FAT3: variants seen among roughly 807,000 people sequenced by gnomAD.
FAT3 encodes the protein protocadherin Fat 3.
In FAT3, 95 loss-of-function variants were observed where a neutral mutation model predicts 310.2. That is an observed-to-expected ratio of 0.31 (90% CI 0.26 to 0.36). The LOEUF (loss-of-function observed/expected upper bound fraction) is 0.36, where lower values mean the gene tolerates loss of function less well. Among genes scored for constraint, FAT3 ranks in the 10% least tolerant of loss-of-function variants. FAT3 has a pLI of 1.00. For missense variants in FAT3, 5,408 were observed against 5,715.6 expected (o/e 0.95, Z 1.74); for synonymous variants, 2,314 against 2,192.9 (o/e 1.06, Z -1.54).
chr11:92,857,109 G>GA, intron 19 of FAT3, 105 bp from the exon 20 acceptor site: 1 of 1,548,818 alleles, frequency 6.5e-7, no homozygotes, highest in Non-Finnish European at 8.9e-7. Context: ...ACATATCCCA[G>GA]CTCTTGAGCC....
At chr11:92,344,408 A>C (rs901445309) in intron 1 of FAT3, among the ~76,000 whole-genome samples, 1 of 152,056 alleles carries the variant, frequency 6.6e-6, no homozygotes, top group Non-Finnish European at 1.5e-5. Flanking sequence ...CTTAGTAGCC[A>C]TTTTGTTATC....
chr11:92,784,179 C>G (rs916309890), intron 7 of FAT3, among the ~76,000 whole-genome samples: 2 of 152,160 alleles, frequency 1.3e-5, no homozygotes, highest in Admixed American at 1.3e-4. Flanking sequence ...ATTTTCCCCA[C>G]TGGTAAACCA....
intron 4 of FAT3, among the ~76,000 whole-genome samples, chr11:92,736,956 A>G (rs1322640074): frequency 1.3e-5 from 2 of 152,172 alleles, no homozygotes; most frequent in Non-Finnish European, 2.9e-5. Context: ...ATTTGTTGCC[A>G]TGAAGACACA....
chr11:92,520,453 T>C lies in FAT3; in HGVS notation c.3293-4181T>C, dbSNP rs541081021. 2.8e-4 allele frequency among the ~76,000 whole-genome samples: 42 copies of C among 152,196 alleles called. No homozygotes were observed. In the South Asian group the frequency reaches 8.1e-3, roughly 29 times the overall value. ...AAAATCAAAACTTACCAATTGTTTG[T>C]TTTAGACATGGACAGGTTATTGTAT... is the stretch of plus-strand genomic sequence containing the variant. On this transcript the variant is annotated intron_variant, in intron 2 of 27. Coordinates refer to ENST00000525166, the MANE Select transcript of FAT3 (RefSeq NM_001367949.2).
At position 92,352,718 on chromosome 11, in the gene FAT3, T is replaced by A; in HGVS notation, c.606T>A (p.Asp202Glu). Residue 202 changes from aspartate (D) to glutamate (E), a missense_variant, in exon 2 of 28, where the codon GAT becomes GAA. Asp to Glu is a conservative substitution (Grantham distance 45). Coordinates refer to ENST00000525166, the MANE Select transcript of FAT3 (RefSeq NM_001367949.2). The stretch of plus-strand genomic sequence containing the variant: ...ACTACTACTTTAAAAATAAAGTTGA[T>A]CTCTTTTCAGTTCACCCCACGAGTG... ...EFYYYFKNKVDLFSVHPTSGV... is the reference protein window; with the variant it reads ...EFYYYFKNKVELFSVHPTSGV... 2 of 1,613,856 alleles carry A rather than the reference T, an allele frequency of 1.2e-6. No individual in the cohort carries two copies. The highest frequency in any genetic ancestry group is 8.5e-7 in the Non-Finnish European group (1 of 1,179,882).
intron 2 of FAT3, among the ~76,000 whole-genome samples, chr11:92,387,551 C>T (rs1449983465): frequency 6.6e-6 from 1 of 152,012 alleles, no homozygotes; most frequent in Non-Finnish European, 1.5e-5. Flanking sequence ...AGGGACAGTT[C>T]ACAGAATTTG....
chr11:92,770,196 T>C (rs1032079330), intron 6 of FAT3, among the ~76,000 whole-genome samples: 2 of 152,182 alleles, frequency 1.3e-5, no homozygotes, highest in African/African-American at 4.8e-5. Context: ...CTCTCATTTT[T>C]CCATAGCAAC....
intron 3 of FAT3, among the ~76,000 whole-genome samples, chr11:92,569,647 A>G (rs1318096330): frequency 1.3e-5 from 2 of 152,112 alleles, no homozygotes; most frequent in African/African-American, 2.4e-5. Flanking sequence ...TGTTCTTTCT[A>G]TTGTTGTTTT....
At chr11:92,615,607 G>A (rs1323026540) in intron 3 of FAT3, among the ~76,000 whole-genome samples, 1 of 152,092 alleles carries the variant, frequency 6.6e-6, no homozygotes, top group African/African-American at 2.4e-5. Context: ...TTCTCTTGTG[G>A]GCATTTAGTG....
chr11:92,457,916 C>T (rs1180792740), intron 2 of FAT3, among the ~76,000 whole-genome samples: 4 of 152,068 alleles, frequency 2.6e-5, no homozygotes, highest in African/African-American at 9.7e-5. Flanking sequence ...AGCGAGACTC[C>T]ATCTCAAAAA....
intron 3 of FAT3, among the ~76,000 whole-genome samples, chr11:92,565,639 T>C (rs1394554651): frequency 6.0e-5 from 9 of 150,778 alleles, no homozygotes; most frequent in African/African-American, 2.2e-4. Flanking sequence ...AAATCCTCAA[T>C]AAAATACTGG....
chr11:92,508,313 C>T (rs909822218), intron 2 of FAT3, among the ~76,000 whole-genome samples: 4 of 152,002 alleles, frequency 2.6e-5, no homozygotes, highest in Admixed American at 2.6e-4. Flanking sequence ...TGCATTCATT[C>T]ACTTGAGAAA....
In FAT3 at chr11:92,890,869, C is replaced by G. The variant is rs1949903115; in HGVS notation, c.13526C>G (p.Pro4509Arg). Residue 4509 changes from proline (P) to arginine (R), a missense_variant, in exon 28 of 28, where the codon CCT becomes CGT. By Grantham distance (103) the Pro-to-Arg change is moderately radical (BLOSUM62 -2). This residue lies in a region of FAT3 where 649 missense variants were observed against 666.2 expected (regional missense o/e 0.97). Transcript: ENST00000525166. ...FPNETDLVGP[P>R]ASCEFSTFAV... is the part of the protein sequence containing the mutation. Reference sequence around the variant, plus strand: ...AACGAAACGGATTTGGTGGGCCCGCCTGCCAGCTGTGAATTTAGTACTTTT... The same window carrying G: ...AACGAAACGGATTTGGTGGGCCCGCGTGCCAGCTGTGAATTTAGTACTTTT... 1 of 1,613,914 alleles carries G rather than the reference C, an allele frequency of 6.2e-7. No individual in the cohort carries two copies. Among genetic ancestry groups the G allele is most frequent in the African/African-American group, 1.3e-5 (1 of 74,930 alleles).
At chr11:92,699,412 A>G (rs1415741290) in intron 4 of FAT3, among the ~76,000 whole-genome samples, 1 of 152,218 alleles carries the variant, frequency 6.6e-6, no homozygotes, top group Non-Finnish European at 1.5e-5. Flanking sequence ...ACCTAAGTAC[A>G]CTGATTTGAC....
intron 4 of FAT3, among the ~76,000 whole-genome samples, chr11:92,759,411 G>T (rs946266406): frequency 6.6e-5 from 10 of 152,166 alleles, no homozygotes; most frequent in Non-Finnish European, 1.2e-4. Flanking sequence ...TGCTACAAAA[G>T]AAAAGCATAG....
intron 4 of FAT3, among the ~76,000 whole-genome samples, chr11:92,704,411 G>C (rs1207408453): frequency 6.6e-6 from 1 of 152,118 alleles, no homozygotes; most frequent in Non-Finnish European, 1.5e-5. Context: ...ACGTATTATG[G>C]GCTGAATTGT....
At chr11:92,514,787 G>T (rs1268066602) in intron 2 of FAT3, among the ~76,000 whole-genome samples, 1 of 152,162 alleles carries the variant, frequency 6.6e-6, no homozygotes, top group Non-Finnish European at 1.5e-5. Flanking sequence ...TGAAAGAGCT[G>T]TCACAGAAGA....
intron 2 of FAT3, among the ~76,000 whole-genome samples, chr11:92,506,627 T>C (rs1953108235): frequency 6.6e-6 from 1 of 152,190 alleles, no homozygotes; most frequent in Non-Finnish European, 1.5e-5. Context: ...ATTGCCTTTT[T>C]CCAAGTTCCT....
At chr11:92,723,533 A>G (rs543819627) in intron 4 of FAT3, among the ~76,000 whole-genome samples, 134 of 151,838 alleles carry the variant, frequency 8.8e-4, no homozygotes, top group Middle Eastern at 6.8e-3. Flanking sequence ...TCACTTCCAC[A>G]TTTTCAGGTA....
Sources: gnomAD v4.1 joint callset for allele counts (sites outside exome capture counted in the v4.1 genomes callset) on GRCh38, gnomAD v4.1.1 for gene constraint, gnomAD v4.1.1 regional missense constraint, MANE v1.5 for transcripts, NCBI Gene and HGNC (gene_info 2026-07-23, HGNC 2026-07-21) for gene names.